The following SHROOM4 variants were observed in gnomAD, a reference collection of about 807,000 sequenced individuals.
SHROOM4 encodes protein Shroom4.
In SHROOM4, 17 loss-of-function variants were observed where a neutral mutation model predicts 80.3. The observed-to-expected ratio is 0.21, with a 90% confidence interval of 0.14 to 0.32. The LOEUF (loss-of-function observed/expected upper bound fraction) is 0.32. SHROOM4 is among the 10% of genes least tolerant of loss of function. The pLI, the probability that SHROOM4 is intolerant of heterozygous loss-of-function variation, is 1.00. For synonymous variants in SHROOM4, 400 were observed against 437.5 expected, an observed-to-expected ratio of 0.91 and a Z score of 1.07; for missense variants, 993 against 1,140.3, an observed-to-expected ratio of 0.87 and a Z score of 1.86.
intron 1 of SHROOM4, among the ~76,000 whole-genome samples, chrX:50,754,012 G>A (rs961438512): frequency 8.9e-6 from 1 of 112,008 alleles, no homozygotes; most frequent in Non-Finnish European, 1.9e-5. Context: ...CATACATAAC[G>A]CTTATCTCTG....
chrX:50,671,811 CT>C (rs1288408453), intron 2 of SHROOM4, among the ~76,000 whole-genome samples: 1 of 112,801 alleles, frequency 8.9e-6, no homozygotes, highest in African/African-American at 3.2e-5. Context: ...CCTTTAAGAA[CT>C]TTCCTTTGCA....
chrX:50,661,494 G>A (rs1299379294), intron 2 of SHROOM4, among the ~76,000 whole-genome samples: 1 of 111,768 alleles, frequency 8.9e-6, no homozygotes, highest in Non-Finnish European at 1.9e-5. Flanking sequence ...CACCGCACCC[G>A]GCCAGCACCC....
rs971033107 is a variant in SHROOM4, at chrX:50,587,856, G to C, written c.*8839C>G. ...GATTAAATAGTGTTTCAAAATCACA[G>C]ATCTGTTTTAAAGATTAAATGAGGA... is the stretch of plus-strand genomic sequence containing the variant. On this transcript the variant is annotated 3_prime_UTR_variant, in exon 9 of 9. Coordinates refer to ENST00000376020, the MANE Select transcript of SHROOM4 (RefSeq NM_020717.5). 6.2e-5 allele frequency among the ~76,000 whole-genome samples: 7 copies of C among 112,389 alleles called. No homozygotes were observed. Among genetic ancestry groups the C allele is most frequent in the Admixed American group, 2.8e-4 (3 of 10,606 alleles).
chrX:50,638,940 G>A (rs1447297689), intron 2 of SHROOM4, among the ~76,000 whole-genome samples: 1 of 112,777 alleles, frequency 8.9e-6, no homozygotes, highest in Non-Finnish European at 1.9e-5. Flanking sequence ...GATGGGTACA[G>A]AGGTGAGACA....
chrX:50,812,764 A>AT (rs1557273569), intron 1 of SHROOM4, among the ~76,000 whole-genome samples: 10 of 110,386 alleles, frequency 9.1e-5, no homozygotes, highest in Non-Finnish European at 1.7e-4. Context: ...CGCAAAAAAA[A>AT]AGTGATATTT....
intron 2 of SHROOM4, among the ~76,000 whole-genome samples, chrX:50,661,216 T>C (rs1557259947): frequency 9.0e-6 from 1 of 110,943 alleles, no homozygotes; most frequent in African/African-American, 3.3e-5. Context: ...GGTTGGTTGT[T>C]TTTTGTTTTT....
At position 50,594,462 on chromosome X, in the gene SHROOM4, A is replaced by G. The variant is rs1929010393; in HGVS notation, c.*2233T>C. On this transcript the variant is annotated 3_prime_UTR_variant, in exon 9 of 9. Coordinates refer to ENST00000376020, the MANE Select transcript of SHROOM4 (RefSeq NM_020717.5). ...TAAGAACAAAAATAACAGAGTTAAT[A>G]GTATTTTTGGTGTCATAAACTTAAG... 1 of 112,269 alleles carries G rather than the reference A, an allele frequency of 8.9e-6. No homozygotes were observed. The highest frequency in any genetic ancestry group is 1.9e-5 in the Non-Finnish European group (1 of 53,320). 9.3% of individuals were successfully genotyped at this position (112,269 alleles called of 1,213,427 possible).
At chrX:50,803,569 G>T (rs1315537946) in intron 1 of SHROOM4, among the ~76,000 whole-genome samples, 5 of 111,608 alleles carry the variant, frequency 4.5e-5, no homozygotes, top group African/African-American at 1.6e-4. Flanking sequence ...TCAAGGCCTA[G>T]CTCCAATTCT....
At position 50,633,560 on chromosome X, in the gene SHROOM4, T is replaced by C; in HGVS notation, c.2513A>G (p.His838Arg). The C allele has an allele frequency of 8.3e-7, 1 of 1,211,334 alleles. No individual in the cohort carries two copies. The highest frequency in any genetic ancestry group is 1.7e-5 in the African/African-American group (1 of 57,728). Reference sequence around the variant, plus strand: ...GGAATGATATGATTGGTCTGTGGCATGATATGGTTGGTCTGCGGAATGATA... The same window carrying C: ...GGAATGATATGATTGGTCTGTGGCACGATATGGTTGGTCTGCGGAATGATA... ...QSYHSADQPY[H>R]ATDQSYHSMS... is the part of the protein sequence containing the mutation. The change falls in exon 4 of 9, where the codon CAT (histidine) becomes CGT (arginine). Residue 838 changes from histidine (H) to arginine (R), a missense_variant. Coordinates refer to ENST00000376020, the MANE Select transcript of SHROOM4 (RefSeq NM_020717.5).
chrX:50,740,320 A>C (rs1934622809), intron 1 of SHROOM4, among the ~76,000 whole-genome samples: 1 of 111,583 alleles, frequency 9.0e-6, no homozygotes, highest in Admixed American at 9.5e-5. Flanking sequence ...CCTAGAACTT[A>C]AAGTATAATT....
At chrX:50,712,595 T>C (rs1419513222) in intron 1 of SHROOM4, among the ~76,000 whole-genome samples, 2 of 111,488 alleles carry the variant, frequency 1.8e-5, no homozygotes, top group African/African-American at 6.5e-5. Flanking sequence ...ATAGAAACTT[T>C]CTGAAAGGAG....
intron 1 of SHROOM4, among the ~76,000 whole-genome samples, chrX:50,717,310 C>T (rs902780353): frequency 1.2e-4 from 13 of 111,711 alleles, no homozygotes; most frequent in Non-Finnish European, 1.9e-4. Context: ...CTCCGCCTCC[C>T]GGGTTCAAGC....
At chrX:50,669,817 A>AC in intron 2 of SHROOM4, among the ~76,000 whole-genome samples, 1 of 111,897 alleles carries the variant, frequency 8.9e-6, no homozygotes, top group East Asian at 2.8e-4. Flanking sequence ...CAATTCAGTC[A>AC]CATCTTCAGG....
At chrX:50,621,073 C>T (rs1346104305) in intron 5 of SHROOM4, among the ~76,000 whole-genome samples, 1 of 111,817 alleles carries the variant, frequency 8.9e-6, no homozygotes, top group Non-Finnish European at 1.9e-5. Flanking sequence ...AATTTATCTT[C>T]CATCCACACC....
chrX:50,766,331 G>A lies in SHROOM4; in HGVS notation c.117+47571C>T, dbSNP rs1017538124. Among the ~76,000 whole-genome samples the A allele has an allele frequency of 6.3e-5, 7 of 110,839 alleles. No homozygotes were observed. The East Asian group carries it at 2.0e-3, about 31-fold the overall frequency. The stretch of plus-strand genomic sequence containing the variant: ...TACTTTTTCCCTCTTCAGAGAAAGA[G>A]GGCGAACAAGAGACAGAAAGACACA... On this transcript the variant is annotated intron_variant, in intron 1 of 8. Coordinates refer to ENST00000376020, the MANE Select transcript of SHROOM4 (RefSeq NM_020717.5).
chrX:50,652,183 A>G (rs1169749562), intron 2 of SHROOM4, among the ~76,000 whole-genome samples: 5 of 111,813 alleles, frequency 4.5e-5, no homozygotes, highest in Non-Finnish European at 9.4e-5. Flanking sequence ...GGTTCAACTA[A>G]TTTACATTCC....
At chrX:50,806,815 T>C (rs1235963340) in intron 1 of SHROOM4, among the ~76,000 whole-genome samples, 1 of 112,506 alleles carries the variant, frequency 8.9e-6, no homozygotes, top group Non-Finnish European at 1.9e-5. Context: ...TGGGCACTAA[T>C]GGTAGCAGAA....
Position 50,626,143 on chromosome X carries a change from A to G in SHROOM4, c.2957+1471T>C, listed in dbSNP as rs982221773. Among the ~76,000 whole-genome samples the G allele has an allele frequency of 4.5e-5, 5 of 111,786 alleles. No individual in the cohort carries two copies. The South Asian group carries it at 1.1e-3, about 26-fold the overall frequency. ...GGCCACATGGCTAGTGAATAGAAGA[A>G]TCTGGCTTTGTACCCAGGCAGAACT... On this transcript the variant is annotated intron_variant, in intron 5 of 8. Coordinates refer to ENST00000376020, the MANE Select transcript of SHROOM4 (RefSeq NM_020717.5).
In SHROOM4 at chrX:50,587,980, T is replaced by TGATTTAAGTC. The variant is rs782459034; in HGVS notation, c.*8714_*8715insGACTTAAATC. ...GTGGGAAACTCAATGACATTTAAGT[T>TGATTTAAGTC]GACTTTAAGTCTAAAGATAGGTTTG... is the stretch of plus-strand genomic sequence containing the variant. On this transcript the variant is annotated 3_prime_UTR_variant, in exon 9 of 9. Transcript: ENST00000376020. Among the ~76,000 whole-genome samples, 10 of 112,218 alleles carry TGATTTAAGTC rather than the reference T, an allele frequency of 8.9e-5. No individual in the cohort carries two copies. The East Asian group carries it at 1.7e-3, about 19-fold the overall frequency.
Sources: allele counts gnomAD v4.1 joint callset (sites outside exome capture counted in the v4.1 genomes callset), GRCh38; gene constraint gnomAD v4.1.1; transcripts MANE v1.5; gene names NCBI Gene and HGNC (gene_info 2026-07-23, HGNC 2026-07-21).